The following GLT1D1 variants were observed in gnomAD, a reference collection of about 807,000 sequenced individuals.
GLT1D1 encodes glycosyltransferase 1 domain-containing protein 1.
A neutral mutation model predicts 28.7 loss-of-function variants in GLT1D1; 21 were observed. The observed-to-expected ratio is 0.73, with a 90% CI of 0.52 to 1.05. GLT1D1 has a LOEUF of 1.05. Ranked by LOEUF, GLT1D1 falls within the 50% of genes least tolerant of loss-of-function variation. The probability of loss-of-function intolerance (pLI) is 0.00; values close to 1 mark genes in which losing one functional copy is unlikely to be tolerated. For synonymous variants in GLT1D1, 147 were observed against 124.8 expected (o/e 1.18, Z -1.19); for missense variants, 343 against 330.6 (o/e 1.04, Z -0.29).
intron 4 of GLT1D1, among the ~76,000 whole-genome samples, chr12:128,913,346 A>C (rs1399164926): frequency 6.6e-6 from 1 of 152,076 alleles, no homozygotes; most frequent in Non-Finnish European, 1.5e-5. Context: ...CAGCCTCCCG[A>C]GTAGCTGGGA....
At chr12:128,969,513 C>CCGAG (rs1481589187) in intron 7 of GLT1D1, among the ~76,000 whole-genome samples, 1 of 152,168 alleles carries the variant, frequency 6.6e-6, no homozygotes, top group African/African-American at 2.4e-5. Flanking sequence ...TGGGTGTGCA[C>CCGAG]CGAGCTGAGT....
At chr12:128,946,194 C>T (rs470552) in intron 5 of GLT1D1, among the ~76,000 whole-genome samples, 42,047 of 151,716 alleles carry the variant, frequency 0.28, 6,050 homozygotes, top group African/African-American at 0.34. Context: ...GCGGTGGGGA[C>T]GGGGAAGATC....
At chr12:128,883,067 C>T (rs1197173723) in intron 2 of GLT1D1, among the ~76,000 whole-genome samples, 1 of 151,568 alleles carries the variant, frequency 6.6e-6, no homozygotes, top group Middle Eastern at 3.4e-3. Flanking sequence ...GCTGGGATTA[C>T]GAGCACGCGC....
At chr12:128,941,734 C>A (rs544415799) in intron 4 of GLT1D1, among the ~76,000 whole-genome samples, 3 of 151,432 alleles carry the variant, frequency 2.0e-5, no homozygotes, top group Non-Finnish European at 2.9e-5. Flanking sequence ...TCTACCCCCA[C>A]GCCCAGTCAA....
intron 2 of GLT1D1, among the ~76,000 whole-genome samples, chr12:128,884,566 G>A (rs904856651): frequency 2.4e-4 from 36 of 152,292 alleles, no homozygotes; most frequent in African/African-American, 8.7e-4. Context: ...TGTAATCCCA[G>A]CACTTTGGAA....
At chr12:128,899,313 T>C (rs1267097542) in intron 4 of GLT1D1, 26 bp downstream of exon 4, 1 of 1,591,492 alleles carries the variant, frequency 6.3e-7, no homozygotes, top group South Asian at 1.1e-5. Context: ...GTGTTGTTAT[T>C]TTGGTTGTGC....
intron 4 of GLT1D1, among the ~76,000 whole-genome samples, chr12:128,928,537 T>G (rs1566141881): frequency 6.6e-6 from 1 of 152,082 alleles, no homozygotes. Context: ...CCAAGCGGTT[T>G]GGAAAACAGA....
chr12:128,905,436 T>G (rs1020589453), intron 4 of GLT1D1, among the ~76,000 whole-genome samples: 2 of 152,198 alleles, frequency 1.3e-5, no homozygotes, highest in African/African-American at 4.8e-5. Flanking sequence ...TGAACGGACA[T>G]GTGCCCAGTG....
chr12:128,947,536 T>C, intron 6 of GLT1D1, 78 bp downstream of exon 10: 1 of 1,519,142 alleles, frequency 6.6e-7, no homozygotes, highest in Non-Finnish European at 9.1e-7. Context: ...GGAGGTGACG[T>C]CTTTGTCAAT....
At chr12:128,940,880 C>T (rs1015997985) in intron 4 of GLT1D1, among the ~76,000 whole-genome samples, 3 of 152,134 alleles carry the variant, frequency 2.0e-5, no homozygotes, top group African/African-American at 7.2e-5. Flanking sequence ...AGTTGTGCAA[C>T]CATCACACCT....
intron 4 of GLT1D1, among the ~76,000 whole-genome samples, chr12:128,919,978 T>C (rs994409014): frequency 3.2e-4 from 21 of 64,656 alleles, no homozygotes; most frequent in East Asian, 2.6e-3. Context: ...TCTCTCTCTC[T>C]CTCTCTCTCT....
At chr12:128,855,132 C>A (rs1162684762) in intron 1 of GLT1D1, among the ~76,000 whole-genome samples, 1 of 144,220 alleles carries the variant, frequency 6.9e-6, no homozygotes, top group African/African-American at 2.5e-5. Flanking sequence ...AGGAGAATCG[C>A]TTGAACCTGG....
chr12:128,853,511 G>A lies in GLT1D1; in HGVS notation c.-71G>A. 8.0e-6 allele frequency: 8 copies of A among 1,001,476 alleles called. No individual in the cohort carries two copies. Among genetic ancestry groups the A allele is most frequent in the Non-Finnish European group, 9.5e-6 (8 of 839,970 alleles). 62.0% of individuals were successfully genotyped at this position (1,001,476 alleles called of 1,614,324 possible). On this transcript the variant is annotated 5_prime_UTR_variant, in exon 1 of 8. Transcript: ENST00000281703. The stretch of plus-strand genomic sequence containing the variant: ...AGCCGCCCCGGCTCCCCCGCCGTCC[G>A]CGTCTGCGCCGGCCCCGGGGCCTGG...
chr12:128,983,188 T>A lies in GLT1D1; in HGVS notation c.*98T>A. On this transcript the variant is annotated 3_prime_UTR_variant, in exon 8 of 8. Coordinates refer to ENST00000281703, the MANE Select transcript of GLT1D1 (RefSeq NM_144669.3). This position sits in a 1 kb window ranked among gnomAD's most constrained non-coding sequence, Gnocchi z 4.7. ...TCACGTGGGCCCAGTGCAGTTCAAA[T>A]AAAACCAGCCTCAGCGGAATCCTAG... 1.8e-6 allele frequency: 2 copies of A among 1,086,922 alleles called. No individual in the cohort carries two copies. The highest frequency in any genetic ancestry group is 2.7e-6 in the Non-Finnish European group (2 of 740,036). The allele number at this position is 1,086,922 out of a possible 1,614,324, so 67.3% of individuals were successfully genotyped here. A position where few individuals can be genotyped will look rare whatever the true frequency, so the allele number is the denominator to read the frequency against.
chr12:128,877,293 G>A (rs1262890838), intron 2 of GLT1D1, among the ~76,000 whole-genome samples: 3 of 152,212 alleles, frequency 2.0e-5, no homozygotes, highest in African/African-American at 7.2e-5. Context: ...GATAGTAATA[G>A]CATGTCATTG....
At chr12:128,922,650 C>T (rs1341970417) in intron 4 of GLT1D1, among the ~76,000 whole-genome samples, 3 of 152,086 alleles carry the variant, frequency 2.0e-5, no homozygotes, top group Admixed American at 1.3e-4. Context: ...GGGCCAGGTG[C>T]GGTGGCTCAT....
At chr12:128,935,824 A>G (rs1874495461) in intron 4 of GLT1D1, among the ~76,000 whole-genome samples, 1 of 152,062 alleles carries the variant, frequency 6.6e-6, no homozygotes, top group Admixed American at 6.6e-5. Context: ...CTTAGCAAGA[A>G]CTTTTTAAAA....
intron 4 of GLT1D1, 53 bp from the exon 6 acceptor site, chr12:128,914,880 T>C: frequency 8.2e-7 from 1 of 1,221,078 alleles, no homozygotes; most frequent in Non-Finnish European, 1.2e-6. Flanking sequence ...ACTCATTGTA[T>C]TTCAGCAGTC....
At position 128,914,855 on chromosome 12, in the gene GLT1D1, C is replaced by A. The variant is rs137891477; in HGVS notation, c.375+15568C>A. 1.7e-4 allele frequency: 160 copies of A among 942,490 alleles called. No individual in the cohort carries two copies. The African/African-American group carries it at 2.4e-3, about 14-fold the overall frequency. The allele number at this position is 942,490 out of a possible 1,614,324, so 58.4% of individuals were successfully genotyped here. On this transcript the variant is annotated intron_variant, in intron 4 of 7. Coordinates refer to ENST00000281703, the MANE Select transcript of GLT1D1 (RefSeq NM_144669.3). The stretch of plus-strand genomic sequence containing the variant: ...GAATAATAGTAATAATAATAATAAG[C>A]CTCAACACAAAATAACTCATTGTAT...
Sources: gnomAD v4.1 joint callset for allele counts (sites outside exome capture counted in the v4.1 genomes callset) on GRCh38, gnomAD v4.1.1 for gene constraint, Gnocchi (gnomAD v3.1) non-coding constraint, MANE v1.5 for transcripts, NCBI Gene and HGNC (gene_info 2026-07-23, HGNC 2026-07-21) for gene names.